The following GRIP1 variants were observed in gnomAD, a reference collection of about 807,000 sequenced individuals.
The protein encoded by GRIP1 is glutamate receptor interacting protein 1.
In GRIP1, 45 loss-of-function variants were observed where a neutral mutation model predicts 129.9. That is an observed-to-expected ratio of 0.35 (90% CI 0.27 to 0.44). The LOEUF (loss-of-function observed/expected upper bound fraction) is 0.44, where lower values mean the gene tolerates loss of function less well. Ranked by LOEUF, GRIP1 falls within the 20% of genes least tolerant of loss-of-function variation. The pLI, the probability that GRIP1 is intolerant of heterozygous loss-of-function variation, is 1.00. For synonymous variants in GRIP1, 530 were observed against 520.8 expected (o/e 1.02, Z -0.24); for missense variants, 1,196 against 1,396.8 (o/e 0.86, Z 2.29).
At chr12:67,010,421 T>C (rs1343262048) in intron 1 of GRIP1, among the ~76,000 whole-genome samples, 2 of 152,050 alleles carry the variant, frequency 1.3e-5, no homozygotes, top group Non-Finnish European at 2.9e-5. Flanking sequence ...GAATTCACAT[T>C]TAAAAAAAAT....
At chr12:67,067,967 G>A (rs926769382) in intron 1 of GRIP1, among the ~76,000 whole-genome samples, 7 of 152,128 alleles carry the variant, frequency 4.6e-5, no homozygotes, top group African/African-American at 1.7e-4. Flanking sequence ...CGGTTCCAAA[G>A]CACCTTCCTC....
intron 1 of GRIP1, among the ~76,000 whole-genome samples, chr12:66,895,730 T>C (rs774236091): frequency 2.0e-5 from 3 of 152,226 alleles, no homozygotes; most frequent in Non-Finnish European, 4.4e-5. Flanking sequence ...GCAGTTAATG[T>C]AACCAGTGGT....
At chr12:66,429,840 G>A (rs1476333256) in intron 14 of GRIP1, among the ~76,000 whole-genome samples, 2 of 152,036 alleles carry the variant, frequency 1.3e-5, no homozygotes, top group African/African-American at 4.8e-5. Flanking sequence ...ATTTAATCTT[G>A]TCAACAATAC....
rs117022328 is a variant in GRIP1 at position 66,750,447 on chromosome 12, G to C, written c.-420+53606C>G. ...TTGGTACCTGAGAGCCTCAATATAG[G>C]GTGCCAGCTGTTTATATGAATTGTC... On this transcript the variant is annotated intron_variant, in intron 1 of 4. Coordinates refer to the GRIP1 transcript ENST00000538373. Among the ~76,000 whole-genome samples the C allele has an allele frequency of 8.0e-3, 1,222 of 152,220 alleles. 6 individuals are homozygous for C. Among genetic ancestry groups the C allele is most frequent in the Middle Eastern group, 0.031 (9 of 294 alleles).
chr12:66,893,175 G>A (rs12820812), intron 1 of GRIP1, among the ~76,000 whole-genome samples: 33,049 of 151,890 alleles, frequency 0.22, 4,283 homozygotes, highest in East Asian at 0.3. Flanking sequence ...AAACCTTTTG[G>A]AATTGGCTTT....
rs78066745 is a variant in GRIP1, at chr12:66,666,608, T to C, written c.55+12242A>G. 1.9e-3 allele frequency among the ~76,000 whole-genome samples: 297 copies of C among 152,328 alleles called. 3 individuals carry two copies. The highest frequency in any genetic ancestry group is 0.01 in the Middle Eastern group (3 of 294). On this transcript the variant is annotated intron_variant, in intron 1 of 24. Transcript: ENST00000359742. ...ATGACTGGTTCTCATTTGGATTGAC[T>C]GTACTCTACTATATAACTGCTATTC...
At chr12:66,961,962 A>C (rs1463529543) in intron 1 of GRIP1, among the ~76,000 whole-genome samples, 1 of 152,228 alleles carries the variant, frequency 6.6e-6, no homozygotes, top group Non-Finnish European at 1.5e-5. Flanking sequence ...AACTTTTTAA[A>C]AAGTAGCCTA....
intron 1 of GRIP1, among the ~76,000 whole-genome samples, chr12:66,642,656 G>T (rs2136097160): frequency 6.6e-6 from 1 of 152,280 alleles, no homozygotes; most frequent in East Asian, 1.9e-4. Flanking sequence ...GGGCAGTTAA[G>T]AATCTGATCT....
intron 13 of GRIP1, among the ~76,000 whole-genome samples, chr12:66,443,534 A>C (rs1245679698): frequency 6.6e-6 from 1 of 150,910 alleles, no homozygotes; most frequent in Non-Finnish European, 1.5e-5. Flanking sequence ...AGCTCACTGC[A>C]ACCTCCGCCT....
At position 66,589,306 on chromosome 12, in the gene GRIP1, T is replaced by G. The variant is rs577339252; in HGVS notation, c.136+7541A>C. 2.7e-5 allele frequency among the ~76,000 whole-genome samples: 4 copies of G among 150,924 alleles called. No individual in the cohort carries two copies. In the East Asian group the frequency reaches 8.0e-4, roughly 30 times the overall value. ...TGATCATTTCATTCTTGTTATTCCC[T>G]AAGCTTTGGCGTAATATTGTTCAAC... On this transcript the variant is annotated intron_variant, in intron 2 of 24. Transcript: ENST00000359742.
chr12:66,928,095 G>C (rs1202409125), intron 1 of GRIP1, among the ~76,000 whole-genome samples: 1 of 152,200 alleles, frequency 6.6e-6, no homozygotes, highest in Non-Finnish European at 1.5e-5. Context: ...CTGCGCTCCG[G>C]ACTTCAGTTG....
chr12:66,435,866 T>C (rs1669726105), intron 13 of GRIP1, among the ~76,000 whole-genome samples: 1 of 152,240 alleles, frequency 6.6e-6, no homozygotes, highest in South Asian at 2.1e-4. Context: ...ATAAATCTCT[T>C]TGATCAAGCT....
At chr12:66,692,139 C>T (rs768749729) in intron 1 of GRIP1, among the ~76,000 whole-genome samples, 5 of 152,178 alleles carry the variant, frequency 3.3e-5, no homozygotes, top group Non-Finnish European at 5.9e-5. Context: ...CACCAATAGA[C>T]AGAACTGGAA....
chr12:66,381,820 C>A (rs1347027959), intron 19 of GRIP1, among the ~76,000 whole-genome samples: 1 of 152,174 alleles, frequency 6.6e-6, no homozygotes, highest in African/African-American at 2.4e-5. Flanking sequence ...ATGATTATTG[C>A]ATTACAACAA....
chr12:66,568,687 T>C (rs1592567818), intron 2 of GRIP1: 1 of 230,500 alleles, frequency 4.3e-6, no homozygotes. Context: ...CATTGTAGAA[T>C]TCATCTTCAC....
In GRIP1 at chr12:67,059,468, C is replaced by A. The variant is rs531624077; in HGVS notation, c.58+9582G>T. On this transcript the variant is annotated intron_variant, in intron 1 of 1. Transcript: ENST00000643019. ...AGGGTCACACAATGAATGAAATGCC[C>A]TTCACCCAGGGCAATAAGAATACTA... Among the ~76,000 whole-genome samples, 3 of 152,326 alleles carry A rather than the reference C, an allele frequency of 2.0e-5. No individual in the cohort carries two copies. The East Asian group carries it at 5.8e-4, about 29-fold the overall frequency.
chr12:66,677,032 A>C (rs571722314), intron 1 of GRIP1, among the ~76,000 whole-genome samples: 12 of 152,316 alleles, frequency 7.9e-5, no homozygotes, highest in Non-Finnish European at 1.6e-4. Context: ...CAATTATGGC[A>C]AATTGATTCT....
intron 1 of GRIP1, among the ~76,000 whole-genome samples, chr12:66,684,874 A>G (rs923322515): frequency 6.6e-6 from 1 of 151,946 alleles, no homozygotes; most frequent in African/African-American, 2.4e-5. Flanking sequence ...GAACAAAACG[A>G]AACGAAACGA....
chr12:66,621,573 CTGTT>C (rs2065268380), intron 1 of GRIP1, among the ~76,000 whole-genome samples: 1 of 152,110 alleles, frequency 6.6e-6, no homozygotes, highest in Non-Finnish European at 1.5e-5. Flanking sequence ...GTACAAGTAT[CTGTT>C]TGAGTCCCTG....
Sources: allele counts gnomAD v4.1 joint callset (sites outside exome capture counted in the v4.1 genomes callset), GRCh38; gene constraint gnomAD v4.1.1; transcripts MANE v1.5; gene names NCBI Gene and HGNC (gene_info 2026-07-23, HGNC 2026-07-21).